LRRN4: variants seen among roughly 807,000 people sequenced by gnomAD.
The protein encoded by LRRN4 is leucine rich repeat neuronal 4.
Under a neutral mutation model 22.3 loss-of-function variants are expected in LRRN4, and 26 were observed. The observed-to-expected ratio is 1.16, with a 90% CI of 0.85 to 1.62. LRRN4 has a LOEUF of 1.62. Ranked by LOEUF, LRRN4 falls within the 40% of genes most tolerant of loss-of-function variation. The pLI, the probability that LRRN4 is intolerant of heterozygous loss-of-function variation, is 0.00. For missense variants in LRRN4, 1,070 were observed against 1,008.5 expected (o/e 1.06, Z -0.83); for synonymous variants, 496 against 486.2 (o/e 1.02, Z -0.26).
At chr20:6,049,322 T>C (rs998124775) in intron 3 of LRRN4, among the ~76,000 whole-genome samples, 1 of 152,196 alleles carries the variant, frequency 6.6e-6, no homozygotes, top group Non-Finnish European at 1.5e-5. Context: ...TGATGTGTTA[T>C]GATAAGTGGC....
At chr20:6,052,919 G>C in intron 1 of LRRN4, 115 bp from the exon 2 acceptor site, 2 of 1,102,238 alleles carry the variant, frequency 1.8e-6, no homozygotes, top group Non-Finnish European at 2.5e-6. Flanking sequence ...GGCGCTGGAT[G>C]TTCCCTGCAG....
rs1248849700 is a variant in LRRN4, at chr20:6,041,314, C to A, written c.1931G>T (p.Gly644Val). 1 of 1,596,666 alleles carries A rather than the reference C, an allele frequency of 6.3e-7. No homozygotes were observed. The highest frequency in any genetic ancestry group is 1.7e-5 in the Admixed American group (1 of 59,508). The stretch of plus-strand genomic sequence containing the variant: ...CAGCACGCACACGCGGTAGGTGGTG[C>A]CCGGCGACAGCCCGTACAGAGGGTG... ...RQHPLYGLSPGTTYRVCVLAA... is the reference protein window; with the variant it reads ...RQHPLYGLSPVTTYRVCVLAA... Residue 644 changes from glycine to valine, a missense_variant, in exon 5 of 5, where the codon GGC (glycine) becomes GTC (valine). Physicochemically the swap from Gly to Val is moderately radical, Grantham distance 109 (BLOSUM62 -3). Coordinates refer to ENST00000378858, the MANE Select transcript of LRRN4 (RefSeq NM_152611.5). The surrounding 1 kb of genome is among the most constrained non-coding windows in gnomAD (Gnocchi z 9.4).
In LRRN4 at chr20:6,052,846, C is replaced by T. The variant is rs551474399; in HGVS notation, c.-5-42G>A. ...AGGACGCCCATCAAATCCACAGGAA[C>T]CCCCGCACAAAGAGTCAGATGCGCG... On this transcript the variant is annotated intron_variant, in intron 1 of 4. Coordinates refer to ENST00000378858, the MANE Select transcript of LRRN4 (RefSeq NM_152611.5). The T allele has an allele frequency of 6.0e-5, 90 of 1,504,232 alleles. No homozygotes were observed. The African/African-American group carries it at 8.3e-4, about 14-fold the overall frequency. 93.2% of individuals were successfully genotyped at this position (1,504,232 alleles called of 1,614,324 possible).
chr20:6,042,166 C>T lies in LRRN4; in HGVS notation c.1079G>A (p.Gly360Glu). The change falls in exon 5 of 5, where the codon GGA (glycine) becomes GAA (glutamate). Residue 360 changes from glycine to glutamate, a missense_variant. Transcript: ENST00000378858. ...SASLSLSQLP[G>E]VCQSDQSTTL... ...GGTGCTTTGGTCGGACTGGCACACTCCGGGCAGCTGGGAGAGTGACAGGGA... is the reference window on the plus strand; with the variant it reads ...GGTGCTTTGGTCGGACTGGCACACTTCGGGCAGCTGGGAGAGTGACAGGGA... The T allele has an allele frequency of 6.2e-7, 1 of 1,614,144 alleles. No individual in the cohort carries two copies. The highest frequency in any genetic ancestry group is 8.5e-7 in the Non-Finnish European group (1 of 1,180,022).
In LRRN4 at chr20:6,041,979, G is replaced by A; in HGVS notation, c.1266C>T (p.His422=). The A allele has an allele frequency of 1.2e-6, 2 of 1,614,080 alleles. No individual in the cohort carries two copies. Among genetic ancestry groups the A allele is most frequent in the Non-Finnish European group, 1.7e-6 (2 of 1,180,020 alleles). The change falls in exon 5 of 5, where the codon CAC becomes CAT. Residue 422 remains histidine (H), a synonymous_variant. Coordinates refer to ENST00000378858, the MANE Select transcript of LRRN4 (RefSeq NM_152611.5). The surrounding 1 kb of genome is among the most constrained non-coding windows in gnomAD (Gnocchi z 9.4). ...GGGCAGTCCCCTCCCGTGCATCGCT[G>A]TGCGGCCATGCAGCTATCGTGCGAG... The part of the protein sequence containing the change: ...VGSRTIAAWP[H]SDAREGTAPS...
Position 6,041,021 on chromosome 20 carries a change from GCTAA to G in LRRN4, c.2220_2223del (p.Ter741ProfsTer30), listed in dbSNP as rs776625819. 1 of 1,613,880 alleles carries G rather than the reference GCTAA, an allele frequency of 6.2e-7. No homozygotes were observed. On this transcript the variant is annotated frameshift_variant and stop_lost, in exon 5 of 5. Transcript: ENST00000378858. LOFTEE classifies it high-confidence loss of function. The surrounding 1 kb of genome is among the most constrained non-coding windows in gnomAD (Gnocchi z 9.4). ...TGAGACGCGTTATCCCAGAAGCTGGGCTAACTGACGGTCTGGAGCCCCAGCGGGT... is the reference window on the plus strand; with the variant it reads ...TGAGACGCGTTATCCCAGAAGCTGGGCTGACGGTCTGGAGCCCCAGCGGGT...
Position 6,046,009 on chromosome 20 carries a change from T to C in LRRN4, c.861-1329A>G, listed in dbSNP as rs902562530. On this transcript the variant is annotated intron_variant, in intron 3 of 4. Transcript: ENST00000378858. Reference sequence around the variant, plus strand: ...AGCCCAGCTTCAAGAGGTAGAGCAATAGACTCCTTGAAATATGGGGCCTGG... The same window carrying C: ...AGCCCAGCTTCAAGAGGTAGAGCAACAGACTCCTTGAAATATGGGGCCTGG... Among the ~76,000 whole-genome samples the C allele has an allele frequency of 4.0e-5, 6 of 149,288 alleles. 1 individual carries two copies. In the East Asian group the frequency reaches 5.9e-4, roughly 15 times the overall value.
intron 2 of LRRN4, among the ~76,000 whole-genome samples, chr20:6,051,854 G>T (rs1326431223): frequency 6.6e-6 from 1 of 152,234 alleles, no homozygotes; most frequent in Non-Finnish European, 1.5e-5. Flanking sequence ...CCTGGGTTCA[G>T]ATTTGCTTAA....
Position 6,041,021 on chromosome 20 carries a change from G to T in LRRN4, c.*1C>A. ...TGAGACGCGTTATCCCAGAAGCTGG[G>T]CTAACTGACGGTCTGGAGCCCCAGC... On this transcript the variant is annotated 3_prime_UTR_variant, in exon 5 of 5. Coordinates refer to ENST00000378858, the MANE Select transcript of LRRN4 (RefSeq NM_152611.5). The surrounding 1 kb of genome is among the most constrained non-coding windows in gnomAD (Gnocchi z 9.4). 6.2e-7 allele frequency: 1 copy of T among 1,613,880 alleles called. No homozygotes were observed. The highest frequency in any genetic ancestry group is 8.5e-7 in the Non-Finnish European group (1 of 1,179,964).
chr20:6,047,692 G>A (rs914957870), intron 3 of LRRN4, among the ~76,000 whole-genome samples: 2 of 151,758 alleles, frequency 1.3e-5, no homozygotes, highest in Non-Finnish European at 1.5e-5. Context: ...TCGGGAGGCT[G>A]AGGCAGGAGA....
rs779735239 is a variant in LRRN4, at chr20:6,052,299, G to A, written c.501C>T (p.Ala167=). ...TGAGGAGCTGCAGCGCGGGGAAGCA[G>A]GCGAAGGCCCGGGGCTGCAGCGCCC... ...PLRALQPRAF[A]CFPALQLLNL... The change falls in exon 2 of 5, where the codon GCC becomes GCT. Residue 167 remains alanine (A), a synonymous_variant. Transcript: ENST00000378858. The A allele has an allele frequency of 1.3e-6, 2 of 1,534,118 alleles. No individual in the cohort carries two copies. The highest frequency in any genetic ancestry group is 1.2e-5 in the South Asian group (1 of 83,082).
chr20:6,052,570 A>T lies in LRRN4; in HGVS notation c.230T>A (p.Leu77Gln). 1 of 1,580,764 alleles carries T rather than the reference A, an allele frequency of 6.3e-7. No homozygotes were observed. Reference sequence around the variant, plus strand: ...GTTGTGGCTGGCGTCGAGGCTGCGCAGTGTGCGCGGTAGGCAGCCGGGCAG... The same window carrying T: ...GTTGTGGCTGGCGTCGAGGCTGCGCTGTGTGCGCGGTAGGCAGCCGGGCAG... ...ERLPGCLPRT[L>Q]RSLDASHNLL... is the part of the protein sequence containing the mutation. Residue 77 changes from leucine (L) to glutamine (Q), a missense_variant, in exon 2 of 5, where the codon CTG becomes CAG. Leu to Gln is a moderately radical substitution (Grantham distance 113, BLOSUM62 -2). Coordinates refer to ENST00000378858, the MANE Select transcript of LRRN4 (RefSeq NM_152611.5).
At chr20:6,047,467 C>CACACAG (rs1568641546) in intron 3 of LRRN4, among the ~76,000 whole-genome samples, 1 of 121,792 alleles carries the variant, frequency 8.2e-6, no homozygotes, top group African/African-American at 2.8e-5. Flanking sequence ...CACACACACA[C>CACACAG]AGAGACACAC....
Position 6,052,561 on chromosome 20 carries a change from A to T in LRRN4, c.239T>A (p.Leu80His). The T allele has an allele frequency of 6.3e-7, 1 of 1,579,524 alleles. No homozygotes were observed. Among genetic ancestry groups the T allele is most frequent in the Non-Finnish European group, 8.5e-7 (1 of 1,171,622 alleles). The change falls in exon 2 of 5, where the codon CTC (leucine) becomes CAC (histidine). Residue 80 changes from leucine to histidine, a missense_variant. Transcript: ENST00000378858. ...PGCLPRTLRS[L>H]DASHNLLRAL... is the part of the protein sequence containing the mutation. ...GCGCAGCAGGTTGTGGCTGGCGTCG[A>T]GGCTGCGCAGTGTGCGCGGTAGGCA...
intron 3 of LRRN4, among the ~76,000 whole-genome samples, chr20:6,049,140 G>A (rs986105424): frequency 1.3e-5 from 2 of 152,190 alleles, no homozygotes; most frequent in African/African-American, 4.8e-5. Context: ...TGCTCTTCTT[G>A]GGCCTGGATG....
chr20:6,043,427 A>G (rs1981019822), intron 4 of LRRN4, among the ~76,000 whole-genome samples: 1 of 151,518 alleles, frequency 6.6e-6, no homozygotes, highest in South Asian at 2.1e-4. Flanking sequence ...AAATAAATTA[A>G]TAAAATAGTA....
chr20:6,041,197 A>G lies in LRRN4; in HGVS notation c.2048T>C (p.Leu683Pro). 1 of 1,590,516 alleles carries G rather than the reference A, an allele frequency of 6.3e-7. No homozygotes were observed. Among genetic ancestry groups the G allele is most frequent in the Non-Finnish European group, 8.6e-7 (1 of 1,166,744 alleles). Residue 683 changes from leucine (L) to proline (P), a missense_variant, in exon 5 of 5, where the codon CTG (leucine) becomes CCG (proline). Physicochemically the swap from Leu to Pro is moderately conservative, Grantham distance 98. Coordinates refer to ENST00000378858, the MANE Select transcript of LRRN4 (RefSeq NM_152611.5). The surrounding 1 kb of genome is among the most constrained non-coding windows in gnomAD (Gnocchi z 9.4). ...GCTGGCGGCGCACAGCCCAGAGAGC[A>G]GGAGCGCGAAGCTGGGCTTGGTGGT... Reference protein sequence around the residue: ...AFTTKPSFALLLSGLCAASGL... With the variant: ...AFTTKPSFALPLSGLCAASGL...
chr20:6,050,830 G>A lies in LRRN4; in HGVS notation c.809C>T (p.Ala270Val), dbSNP rs772728026. 3 of 1,613,686 alleles carry A rather than the reference G, an allele frequency of 1.9e-6. No individual in the cohort carries two copies. In the African/African-American group the frequency reaches 4.0e-5, roughly 22 times the overall value. The change falls in exon 3 of 5, where the codon GCC becomes GTC. Residue 270 changes from alanine (A) to valine (V), a missense_variant. By Grantham distance (64) the Ala-to-Val change is moderately conservative (BLOSUM62 0). Transcript: ENST00000378858. Reference sequence around the variant, plus strand: ...TGGAGTATCTTGAAAGATGTGTGTGGCGACAGAAGCAAGTGCTGGGGAGTC... The same window carrying A: ...TGGAGTATCTTGAAAGATGTGTGTGACGACAGAAGCAAGTGCTGGGGAGTC... ...CQDSPALASV[A>V]THIFQDTPHL...
At position 6,052,589 on chromosome 20, in the gene LRRN4, C is replaced by T; in HGVS notation, c.211G>A (p.Gly71Ser). 6.3e-7 allele frequency: 1 copy of T among 1,584,172 alleles called. No individual in the cohort carries two copies. ...LANRNLERLP[G>S]CLPRTLRSLD... ...CTGCGCAGTGTGCGCGGTAGGCAGC[C>T]GGGCAGGCGCTCCAGGTTGCGGTTC... The change falls in exon 2 of 5, where the codon GGC becomes AGC. Residue 71 changes from glycine (G) to serine (S), a missense_variant. Coordinates refer to ENST00000378858, the MANE Select transcript of LRRN4 (RefSeq NM_152611.5).
Sources: gnomAD v4.1 joint callset for allele counts (sites outside exome capture counted in the v4.1 genomes callset) on GRCh38, gnomAD v4.1.1 for gene constraint, Gnocchi (gnomAD v3.1) non-coding constraint, MANE v1.5 for transcripts, NCBI Gene and HGNC (gene_info 2026-07-23, HGNC 2026-07-21) for gene names.